The following ATXN10 variants were observed in gnomAD, a reference collection of about 807,000 sequenced individuals.
The protein encoded by ATXN10 is ataxin-10.
ATXN10 carries 28 observed loss-of-function variants against 52.9 expected under a neutral mutation model. The observed-to-expected ratio is 0.53, with a 90% CI of 0.39 to 0.73. ATXN10 has a LOEUF of 0.73. ATXN10 is among the 30% of genes least tolerant of loss of function. The pLI is 0.00. For synonymous variants in ATXN10, 226 were observed against 221.5 expected (o/e 1.02, Z -0.18); for missense variants, 565 against 577.0 (o/e 0.98, Z 0.21).
chr22:45,700,279 T>C lies in ATXN10; in HGVS notation c.392-3T>C, dbSNP rs1374149481. On this transcript the variant is annotated splice_region_variant and splice_polypyrimidine_tract_variant and intron_variant, in intron 3 of 11. Coordinates refer to ENST00000252934, the MANE Select transcript of ATXN10 (RefSeq NM_013236.4). ...TTTATTTATAACTTTTATATATTCTTAGCTTTTCGCTGTGGCCTGCAGTTT... is the reference window on the plus strand; with the variant it reads ...TTTATTTATAACTTTTATATATTCTCAGCTTTTCGCTGTGGCCTGCAGTTT... 1 of 1,601,024 alleles carries C rather than the reference T, an allele frequency of 6.2e-7. No homozygotes were observed. Among genetic ancestry groups the C allele is most frequent in the Admixed American group, 1.7e-5 (1 of 59,972 alleles).
intron 10 of ATXN10, among the ~76,000 whole-genome samples, chr22:45,832,463 C>A (rs1052478899): frequency 3.9e-5 from 6 of 152,284 alleles, no homozygotes; most frequent in Admixed American, 2.6e-4. Context: ...TTCCCTAACT[C>A]CCCTCTTTCC....
chr22:45,806,664 A>G (rs907909644), intron 9 of ATXN10, among the ~76,000 whole-genome samples: 8 of 152,112 alleles, frequency 5.3e-5, no homozygotes, highest in African/African-American at 1.9e-4. Context: ...TCTCATATCT[A>G]TCTGGAGTTT....
intron 9 of ATXN10, among the ~76,000 whole-genome samples, chr22:45,794,091 C>T (rs961175335): frequency 9.9e-5 from 15 of 152,122 alleles, no homozygotes; most frequent in African/African-American, 1.4e-4. Flanking sequence ...TGGAAAGGGG[C>T]GGTAACTTCT....
At chr22:45,687,189 A>G (rs1923179377) in intron 1 of ATXN10, among the ~76,000 whole-genome samples, 1 of 152,224 alleles carries the variant, frequency 6.6e-6, no homozygotes, top group Non-Finnish European at 1.5e-5. Flanking sequence ...ACAAATTACC[A>G]TGTAGCATTG....
In ATXN10 at chr22:45,763,572, G is replaced by A. The variant is rs893573333; in HGVS notation, c.1173+23034G>A. On this transcript the variant is annotated intron_variant, in intron 9 of 11. Coordinates refer to ENST00000252934, the MANE Select transcript of ATXN10 (RefSeq NM_013236.4). The surrounding 1 kb of genome is among the most constrained non-coding windows in gnomAD (Gnocchi z 6.9). ...TCCTGCCCCCTACCTGTTAAAAGTC[G>A]GACCCCACCACGCCCCCCACCTCTC... Among the ~76,000 whole-genome samples, 3 of 151,988 alleles carry A rather than the reference G, an allele frequency of 2.0e-5. No homozygotes were observed. The highest frequency in any genetic ancestry group is 2.9e-5 in the Non-Finnish European group (2 of 67,966).
At position 45,684,281 on chromosome 22, in the gene ATXN10, C is replaced by T. The variant is rs1033556082; in HGVS notation, c.117-5431C>T. On this transcript the variant is annotated intron_variant, in intron 1 of 11. Transcript: ENST00000252934. The surrounding 1 kb of genome is among the most constrained non-coding windows in gnomAD (Gnocchi z 4.1). The stretch of plus-strand genomic sequence containing the variant: ...TTAGTTCCTTTCATTTAGCACAGTG[C>T]GTTTGTTCTGATGAAAGATGAATTT... Among the ~76,000 whole-genome samples the T allele has an allele frequency of 2.0e-5, 3 of 151,882 alleles. No homozygotes were observed. Among genetic ancestry groups the T allele is most frequent in the East Asian group, 1.9e-4 (1 of 5,176 alleles).
chr22:45,707,026 C>G (rs960961014), intron 5 of ATXN10, among the ~76,000 whole-genome samples: 5 of 151,312 alleles, frequency 3.3e-5, no homozygotes, highest in African/African-American at 9.8e-5. Context: ...TTTTCATGCT[C>G]TGTTAAGTAC....
In ATXN10 at chr22:45,779,426, G is replaced by A. The variant is rs563247071; in HGVS notation, c.1174-27533G>A. Reference sequence around the variant, plus strand: ...GACTATAATTCAGAAGACTAAAGACGGACTGGAAGGAAGAGGGTTATGTTG... The same window carrying A: ...GACTATAATTCAGAAGACTAAAGACAGACTGGAAGGAAGAGGGTTATGTTG... On this transcript the variant is annotated intron_variant, in intron 9 of 11. Coordinates refer to ENST00000252934, the MANE Select transcript of ATXN10 (RefSeq NM_013236.4). 3.9e-5 allele frequency among the ~76,000 whole-genome samples: 6 copies of A among 152,254 alleles called. No homozygotes were observed. In the South Asian group the frequency reaches 1.0e-3, roughly 26 times the overall value.
rs547625717 is a variant in ATXN10, at chr22:45,803,049, G to A, written c.1174-3910G>A. 2.6e-5 allele frequency among the ~76,000 whole-genome samples: 4 copies of A among 152,310 alleles called. No individual in the cohort carries two copies. In the East Asian group the frequency reaches 7.7e-4, roughly 29 times the overall value. On this transcript the variant is annotated intron_variant, in intron 9 of 11. Transcript: ENST00000252934. ...CTAAATGAACTAATTGCATTTAACA[G>A]TGTGAATGTCACCAACTACTGCTAT... is the stretch of plus-strand genomic sequence containing the variant.
rs71190680 is a variant in ATXN10, at chr22:45,753,377, CTTTTTTTTTTTTTTTTTTTTTTTTTTTTT to C, written c.1173+12859_1173+12887del. ...AGAGGGTCCACTCACCTCTTACCAG[CTTTTTTTTTTTTTTTTTTTTTTTTTTTTT>C]TTTTTTTTTTTTTTTTTTTGAGACA... On this transcript the variant is annotated intron_variant, in intron 9 of 11. Coordinates refer to ENST00000252934, the MANE Select transcript of ATXN10 (RefSeq NM_013236.4). Among the ~76,000 whole-genome samples the C allele has an allele frequency of 2.2e-4, 13 of 57,870 alleles. No individual in the cohort carries two copies. The East Asian group carries it at 2.5e-3, about 11-fold the overall frequency. 38.0% of individuals were successfully genotyped at this position (57,870 alleles called of 152,430 possible).
rs1349803913 is a variant in ATXN10, at chr22:45,728,230, G to A, written c.729-1195G>A. On this transcript the variant is annotated intron_variant, in intron 6 of 11. Transcript: ENST00000252934. This position sits in a 1 kb window ranked among gnomAD's most constrained non-coding sequence, Gnocchi z 4.3. ...AAGAGGTTCCATGCTGGTGCCTGTC[G>A]ACCTTTTATTTCAAGCTTTAGAACT... Among the ~76,000 whole-genome samples the A allele has an allele frequency of 6.6e-6, 1 of 151,974 alleles. No homozygotes were observed. The highest frequency in any genetic ancestry group is 1.5e-5 in the Non-Finnish European group (1 of 68,012).
rs147827210 is a variant in ATXN10, at chr22:45,677,964, C to T, written c.116+5785C>T. 2.0e-5 allele frequency: 3 copies of T among 151,912 alleles called. No individual in the cohort carries two copies. Among genetic ancestry groups the T allele is most frequent in the East Asian group, 1.9e-4 (1 of 5,178 alleles). 9.4% of individuals were successfully genotyped at this position (151,912 alleles called of 1,614,324 possible). On this transcript the variant is annotated intron_variant, in intron 1 of 11. Transcript: ENST00000252934. This position sits in a 1 kb window ranked among gnomAD's most constrained non-coding sequence, Gnocchi z 4.1. Reference sequence around the variant, plus strand: ...GCAGTTTTACTCTTAGGTATGTGCCCGAAGAAAATGAAAAAGGACAAATTC... The same window carrying T: ...GCAGTTTTACTCTTAGGTATGTGCCTGAAGAAAATGAAAAAGGACAAATTC...
Position 45,761,645 on chromosome 22 carries a change from C to G in ATXN10, c.1173+21107C>G, listed in dbSNP as rs754935417. 7.8e-4 allele frequency among the ~76,000 whole-genome samples: 119 copies of G among 152,096 alleles called. 1 individual carries two copies. Among genetic ancestry groups the G allele is most frequent in the Non-Finnish European group, 1.1e-3 (72 of 68,002 alleles). ...CAGTGACTGGAACATTTTATGCAAG[C>G]CTTTGCTCTTTATTTATCTATTTTT... is the stretch of plus-strand genomic sequence containing the variant. On this transcript the variant is annotated intron_variant, in intron 9 of 11. Transcript: ENST00000252934.
At chr22:45,773,799 A>G (rs1430661050) in intron 9 of ATXN10, among the ~76,000 whole-genome samples, 2 of 152,190 alleles carry the variant, frequency 1.3e-5, no homozygotes, top group Admixed American at 6.5e-5. Context: ...GTAAAAAATA[A>G]TCACAAGAAA....
chr22:45,789,085 T>A lies in ATXN10; in HGVS notation c.1174-17874T>A, dbSNP rs1927418585. Among the ~76,000 whole-genome samples, 1 of 152,142 alleles carries A rather than the reference T, an allele frequency of 6.6e-6. No individual in the cohort carries two copies. Among genetic ancestry groups the A allele is most frequent in the East Asian group, 1.9e-4 (1 of 5,192 alleles). ...GCAGATTGACAGTAAGGATGGAAAG[T>A]CACTGCTCTGTATCAGTGCTTCTTC... On this transcript the variant is annotated intron_variant, in intron 9 of 11. Coordinates refer to ENST00000252934, the MANE Select transcript of ATXN10 (RefSeq NM_013236.4). The surrounding 1 kb of genome is among the most constrained non-coding windows in gnomAD (Gnocchi z 4.0).
rs1927270224 is a variant in ATXN10, at chr22:45,784,867, A to ATT, written c.1174-22091_1174-22090insTT. ...ATTTATTGATGGCAAGGAGCTTATC[A>ATT]TAATACAACAAGCAATTGAGATTCT... On this transcript the variant is annotated intron_variant, in intron 9 of 11. Transcript: ENST00000252934. The surrounding 1 kb of genome is among the most constrained non-coding windows in gnomAD (Gnocchi z 4.2). Among the ~76,000 whole-genome samples, 1 of 152,228 alleles carries ATT rather than the reference A, an allele frequency of 6.6e-6. No homozygotes were observed. The highest frequency in any genetic ancestry group is 6.5e-5 in the Admixed American group (1 of 15,280).
At chr22:45,758,850 C>G (rs1326641840) in intron 9 of ATXN10, among the ~76,000 whole-genome samples, 3 of 152,162 alleles carry the variant, frequency 2.0e-5, no homozygotes, top group Non-Finnish European at 4.4e-5. Flanking sequence ...AGCAAGAATT[C>G]TAGTGCTGTG....
At chr22:45,760,059 C>T (rs190605707) in intron 9 of ATXN10, among the ~76,000 whole-genome samples, 4 of 152,296 alleles carry the variant, frequency 2.6e-5, no homozygotes, top group East Asian at 1.9e-4. Flanking sequence ...TCTTTCCCCA[C>T]GTGGAGATAG....
chr22:45,767,436 TACAC>T (rs67341464), intron 9 of ATXN10, among the ~76,000 whole-genome samples: 18 of 149,854 alleles, frequency 1.2e-4, no homozygotes, highest in African/African-American at 3.2e-4. Context: ...TAAATATACA[TACAC>T]ACACACACAC....
Sources: gnomAD v4.1 joint callset for allele counts (sites outside exome capture counted in the v4.1 genomes callset) on GRCh38, gnomAD v4.1.1 for gene constraint, Gnocchi (gnomAD v3.1) non-coding constraint, MANE v1.5 for transcripts, NCBI Gene and HGNC (gene_info 2026-07-23, HGNC 2026-07-21) for gene names.